HEATR5A: variants seen among roughly 807,000 people sequenced by gnomAD.
The protein encoded by HEATR5A is HEAT repeat-containing protein 5A.
In HEATR5A, 178 loss-of-function variants were observed where a neutral mutation model predicts 218.8. The ratio of observed to expected loss-of-function variants is 0.81; its 90% CI spans 0.72 to 0.92. The LOEUF is 0.92. Ranked by LOEUF, HEATR5A falls within the 40% of genes least tolerant of loss-of-function variation. HEATR5A has a pLI of 0.00. For synonymous variants in HEATR5A, 864 were observed against 871.6 expected (o/e 0.99, Z 0.15); for missense variants, 2,420 against 2,418.9 (o/e 1.00, Z -0.01).
intron 6 of HEATR5A, among the ~76,000 whole-genome samples, chr14:31,392,269 T>C (rs1330451898): frequency 6.6e-6 from 1 of 152,126 alleles, no homozygotes; most frequent in Non-Finnish European, 1.5e-5. Flanking sequence ...ATTTTTCCAC[T>C]GTAAAATTAT....
intron 21 of HEATR5A, among the ~76,000 whole-genome samples, chr14:31,342,144 T>G (rs1900861029): frequency 6.6e-6 from 1 of 152,112 alleles, no homozygotes; most frequent in African/African-American, 2.4e-5. Context: ...CCCAGCACTT[T>G]GTGGGGCTGA....
chr14:31,390,627 G>C (rs555972495), intron 6 of HEATR5A, among the ~76,000 whole-genome samples: 1 of 152,262 alleles, frequency 6.6e-6, no homozygotes, highest in South Asian at 2.1e-4. Context: ...CGGTGGTCCT[G>C]TAAGATTATA....
intron 25 of HEATR5A, chr14:31,320,208 T>C (rs1027137246): frequency 3.2e-6 from 2 of 627,566 alleles, no homozygotes; most frequent in African/African-American, 3.6e-5. Flanking sequence ...GACAGGCAGG[T>C]GACCCTCACG....
At chr14:31,320,580 T>C in intron 25 of HEATR5A, 1 of 792,802 alleles carries the variant, frequency 1.3e-6, no homozygotes, top group South Asian at 1.3e-5. Context: ...ATTAGACCCC[T>C]GGTACAACAG....
Position 31,313,240 on chromosome 14 carries a change from G to A in HEATR5A, c.4219-50C>T. The A allele has an allele frequency of 2.8e-6, 4 of 1,421,696 alleles. No homozygotes were observed. In the South Asian group the frequency reaches 4.9e-5, roughly 17 times the overall value. The allele number at this position is 1,421,696 out of a possible 1,614,324, so 88.1% of individuals were successfully genotyped here. On this transcript the variant is annotated intron_variant, in intron 27 of 35. Coordinates refer to ENST00000543095, the MANE Select transcript of HEATR5A (RefSeq NM_015473.4). ...GGAAAATCTTTTATCTGCTGAAAAG[G>A]TGCTATAAAATTTTTATATCTTCCT...
chr14:31,305,001 C>A lies in HEATR5A; in HGVS notation c.5143G>T (p.Ala1715Ser). The A allele has an allele frequency of 6.2e-7, 1 of 1,613,946 alleles. No homozygotes were observed. Among genetic ancestry groups the A allele is most frequent in the Non-Finnish European group, 8.5e-7 (1 of 1,179,866 alleles). Residue 1715 changes from alanine (A) to serine (S), a missense_variant, in exon 32 of 36, where the codon GCT becomes TCT. Ala to Ser is a moderately conservative substitution (Grantham distance 99). Transcript: ENST00000543095. ...PKLTGSPGVK[A>S]TKPQILLEDG... ...TCTAATAGTATCTGTGGCTTCGTAG[C>A]TTTTACTCCTGGGCTACCTGTCAAT...
rs1429185033 is a variant in HEATR5A at position 31,371,846 on chromosome 14, A to C, written c.1925T>G (p.Leu642Arg). The C allele has an allele frequency of 1.9e-6, 3 of 1,552,242 alleles. No individual in the cohort carries two copies. The highest frequency in any genetic ancestry group is 2.6e-6 in the Non-Finnish European group (3 of 1,146,528). The change falls in exon 13 of 36, where the codon CTT becomes CGT. Residue 642 changes from leucine (L) to arginine (R), a missense_variant. By Grantham distance (102) the Leu-to-Arg change is moderately radical (BLOSUM62 -2). Coordinates refer to ENST00000543095, the MANE Select transcript of HEATR5A (RefSeq NM_015473.4). ...ATCCACAGCACAAGGAAGTGGTGGAAGAAGACGCTGAGTTACTTCCTCAGT... is the reference window on the plus strand; with the variant it reads ...ATCCACAGCACAAGGAAGTGGTGGACGAAGACGCTGAGTTACTTCCTCAGT... ...LLTEEVTQRL[L>R]PPLPCAVDLL...
intron 22 of HEATR5A, among the ~76,000 whole-genome samples, chr14:31,331,762 C>T (rs922260746): frequency 6.6e-6 from 1 of 152,136 alleles, no homozygotes; most frequent in Non-Finnish European, 1.5e-5. Context: ...GGAAGAGGCA[C>T]GTTTTACATG....
At chr14:31,377,510 T>C (rs537718572) in intron 11 of HEATR5A, among the ~76,000 whole-genome samples, 47 of 152,130 alleles carry the variant, frequency 3.1e-4, no homozygotes, top group Non-Finnish European at 4.7e-4. Flanking sequence ...GGCTCACTCC[T>C]GTAGTCCCAG....
intron 21 of HEATR5A, among the ~76,000 whole-genome samples, chr14:31,337,960 T>C (rs543440924): frequency 3.9e-5 from 6 of 152,318 alleles, no homozygotes; most frequent in South Asian, 2.1e-4. Context: ...CATACATTTG[T>C]GTTCATGCAA....
intron 15 of HEATR5A, 30 bp from the exon 16 acceptor site, chr14:31,358,842 TA>T (rs1358864069): frequency 6.2e-7 from 1 of 1,610,068 alleles, no homozygotes; most frequent in Admixed American, 1.7e-5. Context: ...TATAAGGTTT[TA>T]AAATCACTGA....
At chr14:31,305,230 T>C in intron 31 of HEATR5A, 53 bp from the exon 32 acceptor site, 1 of 1,557,384 alleles carries the variant, frequency 6.4e-7, no homozygotes, top group Non-Finnish European at 8.7e-7. Flanking sequence ...TTCTGGTAGA[T>C]GGCAATTTAG....
At chr14:31,306,680 T>C in intron 31 of HEATR5A, 52 bp downstream of exon 31, 1 of 1,526,524 alleles carries the variant, frequency 6.6e-7, no homozygotes, top group Non-Finnish European at 8.9e-7. Flanking sequence ...AATAATACTT[T>C]ACAAAAGAAT....
chr14:31,327,286 CTTTTTTTTTT>C (rs71951930), intron 22 of HEATR5A, among the ~76,000 whole-genome samples: 1 of 45,158 alleles, frequency 2.2e-5, no homozygotes, highest in Non-Finnish European at 4.2e-5. Flanking sequence ...TCCAGTGGCA[CTTTTTTTTTT>C]TTTTTTTTTT....
At chr14:31,321,228 G>A (rs1011133691) in intron 25 of HEATR5A, among the ~76,000 whole-genome samples, 13 of 151,574 alleles carry the variant, frequency 8.6e-5, no homozygotes, top group African/African-American at 2.4e-4. Context: ...GCACAATCTC[G>A]GCTCACTGCA....
At chr14:31,333,874 A>T (rs933959928) in intron 22 of HEATR5A, among the ~76,000 whole-genome samples, 18 of 130,040 alleles carry the variant, frequency 1.4e-4, no homozygotes, top group East Asian at 4.5e-4. Flanking sequence ...TCTACAAAAA[A>T]TACAAAAAAA....
chr14:31,321,612 C>T lies in HEATR5A; in HGVS notation c.3856G>A (p.Asp1286Asn). 6.2e-7 allele frequency: 1 copy of T among 1,610,110 alleles called. No homozygotes were observed. ...MAFMAATDHS[D>N]QLRLSGLEML... ...TCAAGGCCAGAAAGACGGAGCTGGT[C>T]ACTGTGATCTGTGGCAGCCATAAAA... The change falls in exon 25 of 36, where the codon GAC becomes AAC. Residue 1286 changes from aspartate to asparagine, a missense_variant. Asp to Asn is a conservative substitution (Grantham distance 23, BLOSUM62 1). Coordinates refer to ENST00000543095, the MANE Select transcript of HEATR5A (RefSeq NM_015473.4).
rs369867567 is a variant in HEATR5A at position 31,309,042 on chromosome 14, T to A, written c.4582A>T (p.Asn1528Tyr). Residue 1528 changes from asparagine (N) to tyrosine (Y), a missense_variant, in exon 29 of 36, where the codon AAT (asparagine) becomes TAT (tyrosine). Physicochemically the swap from Asn to Tyr is moderately radical, Grantham distance 143 (BLOSUM62 -2). Coordinates refer to ENST00000543095, the MANE Select transcript of HEATR5A (RefSeq NM_015473.4). Reference protein sequence around the residue: ...VVADPDEGASNLSRPVTPTSM... With the variant: ...VVADPDEGASYLSRPVTPTSM... ...GTTGGTGTTACAGGCCTGGAGAGAT[T>A]AGATGCTCCTTCATCTGGGTCAGCA... is the stretch of plus-strand genomic sequence containing the variant. 1 of 1,613,972 alleles carries A rather than the reference T, an allele frequency of 6.2e-7. No individual in the cohort carries two copies. The highest frequency in any genetic ancestry group is 2.2e-5 in the East Asian group (1 of 44,886).
At chr14:31,395,815 A>T (rs1684377724) in intron 4 of HEATR5A, among the ~76,000 whole-genome samples, 1 of 152,220 alleles carries the variant, frequency 6.6e-6, no homozygotes, top group East Asian at 1.9e-4. Flanking sequence ...AAGCCCAGAC[A>T]TACAACAAAT....
Sources: gnomAD v4.1 joint callset for allele counts (sites outside exome capture counted in the v4.1 genomes callset) on GRCh38, gnomAD v4.1.1 for gene constraint, MANE v1.5 for transcripts, NCBI Gene and HGNC (gene_info 2026-07-23, HGNC 2026-07-21) for gene names.